ANKRD45: variants seen among roughly 807,000 people sequenced by gnomAD.
ANKRD45 encodes the protein ankyrin repeat domain-containing protein 45.
In ANKRD45, 21 loss-of-function variants were observed where a neutral mutation model predicts 28.1. That is an observed-to-expected ratio of 0.75 (90% CI 0.53 to 1.08). The LOEUF (loss-of-function observed/expected upper bound fraction) is 1.08, where lower values mean the gene tolerates loss of function less well. Ranked by LOEUF, ANKRD45 falls within the 50% of genes least tolerant of loss-of-function variation. ANKRD45 has a pLI of 0.00. For synonymous variants in ANKRD45, 86 were observed against 103.9 expected (o/e 0.83, Z 1.05); for missense variants, 261 against 308.7 (o/e 0.85, Z 1.16).
At position 173,657,990 on chromosome 1, in the gene ANKRD45, A is replaced by G. The variant is rs556833534; in HGVS notation, c.328+1101T>C. 12 of 152,266 alleles carry G rather than the reference A, an allele frequency of 7.9e-5. No individual in the cohort carries two copies. The East Asian group carries it at 2.1e-3, about 27-fold the overall frequency. The allele number at this position is 152,266 out of a possible 1,614,324, so 9.4% of individuals were successfully genotyped here. A position where few individuals can be genotyped will look rare whatever the true frequency, so the allele number is the denominator to read the frequency against. ...GATGCTGTTGTCACTTAAACATTTC[A>G]TAATTTTCATTATATCTTCTGTGAC... is the stretch of plus-strand genomic sequence containing the variant. On this transcript the variant is annotated intron_variant, in intron 2 of 5. Transcript: ENST00000333279.
At chr1:173,714,496 CTGGAGGA>C in the ANKRD45 span, among the ~76,000 whole-genome samples, 1 of 152,112 alleles carries the variant, frequency 6.6e-6, no homozygotes, top group Non-Finnish European at 1.5e-5. Flanking sequence ...CGTGGGAAAT[CTGGAGGA>C]TAAGGTCTAT....
chr1:173,652,033 A>G (rs1669250688), intron 2 of ANKRD45, among the ~76,000 whole-genome samples: 1 of 152,184 alleles, frequency 6.6e-6, no homozygotes, highest in Non-Finnish European at 1.5e-5. Flanking sequence ...CAATCATGTC[A>G]TCTGCAAACA....
intron 5 of ANKRD45, among the ~76,000 whole-genome samples, chr1:173,611,873 C>A (rs918891542): frequency 3.9e-5 from 6 of 152,104 alleles, no homozygotes; most frequent in African/African-American, 1.4e-4. Flanking sequence ...GAAATAGAAT[C>A]ATATTTCTGA....
At chr1:173,653,754 A>G (rs1384912094) in intron 2 of ANKRD45, among the ~76,000 whole-genome samples, 1 of 152,094 alleles carries the variant, frequency 6.6e-6, no homozygotes, top group Non-Finnish European at 1.5e-5. Flanking sequence ...TAGGTCTCTA[A>G]GGACCTGCTT....
At chr1:173,624,708 A>C (rs1667848752) in intron 5 of ANKRD45, 79 bp downstream of exon 5, 1 of 1,422,286 alleles carries the variant, frequency 7.0e-7, no homozygotes, top group Non-Finnish European at 9.6e-7. Context: ...TGTTAAAATC[A>C]GAATATCTCA....
chr1:173,707,922 T>C, the ANKRD45 span, among the ~76,000 whole-genome samples: 1 of 152,210 alleles, frequency 6.6e-6, no homozygotes, highest in Non-Finnish European at 1.5e-5. Context: ...ACAGTGCCTA[T>C]TGCCCCACTG....
chr1:173,656,832 G>A (rs781493499), intron 2 of ANKRD45, among the ~76,000 whole-genome samples: 2 of 151,734 alleles, frequency 1.3e-5, no homozygotes, highest in East Asian at 2.0e-4. Context: ...GGGTAAGTTC[G>A]CTTTGGGTTT....
At chr1:173,666,585 T>C (rs1670028222) in intron 1 of ANKRD45, among the ~76,000 whole-genome samples, 1 of 152,132 alleles carries the variant, frequency 6.6e-6, no homozygotes, top group Admixed American at 6.6e-5. Context: ...CTGTATTGCT[T>C]AGGGAATAAT....
chr1:173,625,593 G>A (rs1667898124), intron 4 of ANKRD45, among the ~76,000 whole-genome samples: 1 of 152,068 alleles, frequency 6.6e-6, no homozygotes, highest in Non-Finnish European at 1.5e-5. Flanking sequence ...TTTGTGGTAT[G>A]TCCTGTCCAT....
intron 5 of ANKRD45, among the ~76,000 whole-genome samples, chr1:173,614,871 C>T (rs982446054): frequency 2.6e-5 from 4 of 151,884 alleles, no homozygotes; most frequent in South Asian, 2.1e-4. Context: ...GGCTGGACTG[C>T]AGGGGCATGA....
At chr1:173,638,172 A>G (rs1668538116) in intron 3 of ANKRD45, among the ~76,000 whole-genome samples, 3 of 152,008 alleles carry the variant, frequency 2.0e-5, no homozygotes, top group Admixed American at 2.0e-4. Flanking sequence ...GGAAGGGTGT[A>G]AGGAACCACC....
At chr1:173,696,422 T>A in the ANKRD45 span, among the ~76,000 whole-genome samples, 3 of 152,236 alleles carry the variant, frequency 2.0e-5, no homozygotes, top group Non-Finnish European at 4.4e-5. Flanking sequence ...CATTTAAGCC[T>A]TTAATCCATC....
intron 3 of ANKRD45, among the ~76,000 whole-genome samples, chr1:173,642,027 T>A (rs994613735): frequency 5.9e-5 from 9 of 152,134 alleles, no homozygotes; most frequent in Non-Finnish European, 1.3e-4. Flanking sequence ...AAAGGAGGTG[T>A]TTGCATAATG....
the ANKRD45 span, among the ~76,000 whole-genome samples, chr1:173,682,136 A>T: frequency 1.3e-5 from 2 of 152,140 alleles, no homozygotes; most frequent in African/African-American, 2.4e-5. Context: ...ATTTTATTTA[A>T]ATAGGGACTA....
At chr1:173,655,473 C>T (rs960067729) in intron 2 of ANKRD45, among the ~76,000 whole-genome samples, 2 of 152,180 alleles carry the variant, frequency 1.3e-5, no homozygotes, top group African/African-American at 4.8e-5. Flanking sequence ...GCTGCCTGAT[C>T]CTTCCTCTGG....
intron 3 of ANKRD45, among the ~76,000 whole-genome samples, chr1:173,630,943 T>C (rs982517806): frequency 8.6e-5 from 12 of 139,876 alleles, no homozygotes; most frequent in African/African-American, 2.9e-4. Context: ...AGAAAACCAA[T>C]AGCAAAATGG....
chr1:173,646,989 G>T lies in ANKRD45; in HGVS notation c.353C>A (p.Ala118Glu). Residue 118 changes from alanine (A) to glutamate (E), a missense_variant, in exon 3 of 6, where the codon GCA (alanine) becomes GAA (glutamate). Ala to Glu is a moderately radical substitution (Grantham distance 107). Transcript: ENST00000333279. Reference sequence around the variant, plus strand: ...CAAAGTTTCCAAACGACCCCAGGCTGCAGCACAATGTAAGAGTGTGTACCC... The same window carrying T: ...CAAAGTTTCCAAACGACCCCAGGCTTCAGCACAATGTAAGAGTGTGTACCC... ...TRGYTLLHCAAAWGRLETLKA... is the reference protein window; with the variant it reads ...TRGYTLLHCAEAWGRLETLKA... 1.2e-6 allele frequency: 2 copies of T among 1,614,040 alleles called. No homozygotes were observed. The highest frequency in any genetic ancestry group is 1.7e-6 in the Non-Finnish European group (2 of 1,179,946).
At chr1:173,639,737 C>T (rs1434854617) in intron 3 of ANKRD45, among the ~76,000 whole-genome samples, 1 of 152,218 alleles carries the variant, frequency 6.6e-6, no homozygotes, top group Non-Finnish European at 1.5e-5. Flanking sequence ...TGACTCCAAT[C>T]GTTTGCCTCA....
chr1:173,667,820 A>G (rs1670090832), intron 1 of ANKRD45: 1 of 350,084 alleles, frequency 2.9e-6, no homozygotes, highest in Non-Finnish European at 5.5e-6. Context: ...TTCCAACTAT[A>G]TATCTATGTA....
Sources: gnomAD v4.1 joint callset for allele counts (sites outside exome capture counted in the v4.1 genomes callset) on GRCh38, gnomAD v4.1.1 for gene constraint, MANE v1.5 for transcripts, NCBI Gene and HGNC (gene_info 2026-07-23, HGNC 2026-07-21) for gene names.